Variants in HSD3B1 observed in about 807,000 individuals in gnomAD.
HSD3B1 encodes the protein hydroxy-delta-5-steroid dehydrogenase, 3 beta- and steroid delta-isomerase 1.
HSD3B1 carries 11 observed loss-of-function variants against 10.4 expected under a neutral mutation model. That is an observed-to-expected ratio of 1.05 (90% CI 0.66 to 1.75). HSD3B1 has a LOEUF of 1.75. HSD3B1 is among the 40% of genes most tolerant of loss of function. The pLI is 0.00. For missense variants in HSD3B1, 490 were observed against 454.5 expected, an observed-to-expected ratio of 1.08 and a Z score of -0.71; for synonymous variants, 217 against 185.4, an observed-to-expected ratio of 1.17 and a Z score of -1.39.
chr1:119,511,734 GGAAGA>G, intron 3 of HSD3B1, 67 bp downstream of exon 3: 1 of 1,495,000 alleles, frequency 6.7e-7, no homozygotes, highest in Non-Finnish European at 9.3e-7. Flanking sequence ...GGGCAGGAAG[GGAAGA>G]GAAGTCCCTC....
Position 119,514,059 on chromosome 1 carries a change from C to T in HSD3B1, c.536C>T (p.Thr179Ile), listed in dbSNP as rs775619459. Residue 179 changes from threonine (T) to isoleucine (I), a missense_variant, in exon 4 of 4, where the codon ACC becomes ATC. Physicochemically the swap from Thr to Ile is moderately conservative, Grantham distance 89. Coordinates refer to ENST00000369413, the MANE Select transcript of HSD3B1 (RefSeq NM_000862.3). ...GGGTGGAATCTGAAAAACGGCGGCA[C>T]CCTGTACACTTGTGCCTTACGACCC... ...ANGWNLKNGGTLYTCALRPMY... is the reference protein window; with the variant it reads ...ANGWNLKNGGILYTCALRPMY... The T allele has an allele frequency of 3.1e-6, 5 of 1,614,016 alleles. No homozygotes were observed. The highest frequency in any genetic ancestry group is 4.2e-6 in the Non-Finnish European group (5 of 1,180,024).
rs148222437 is a variant in HSD3B1, at chr1:119,514,237, G to A, written c.714G>A (p.Arg238=). 5.0e-6 allele frequency: 8 copies of A among 1,613,992 alleles called. No homozygotes were observed. Among genetic ancestry groups the A allele is most frequent in the Non-Finnish European group, 6.8e-6 (8 of 1,180,016 alleles). The part of the protein sequence containing the change: ...NVAWAHILAL[R]ALQDPKKAPS... ...CCTGGGCCCACATTCTGGCCTTGAGGGCCCTGCAGGACCCCAAGAAGGCCC... is the reference window on the plus strand; with the variant it reads ...CCTGGGCCCACATTCTGGCCTTGAGAGCCCTGCAGGACCCCAAGAAGGCCC... The change falls in exon 4 of 4, where the codon AGG becomes AGA. Residue 238 remains arginine (R), a synonymous_variant. Transcript: ENST00000369413.
In HSD3B1 at chr1:119,514,251, C is replaced by T. The variant is rs1654036439; in HGVS notation, c.728C>T (p.Pro243Leu). Residue 243 changes from proline to leucine, a missense_variant, in exon 4 of 4, where the codon CCC becomes CTC. By Grantham distance (98) the Pro-to-Leu change is moderately conservative. Coordinates refer to ENST00000369413, the MANE Select transcript of HSD3B1 (RefSeq NM_000862.3). ...CTGGCCTTGAGGGCCCTGCAGGACC[C>T]CAAGAAGGCCCCAAGCATCCGAGGA... ...HILALRALQD[P>L]KKAPSIRGQF... 6.2e-7 allele frequency: 1 copy of T among 1,614,096 alleles called. No homozygotes were observed.
At chr1:119,509,747 G>C (rs1309097193) in intron 2 of HSD3B1, among the ~76,000 whole-genome samples, 1 of 152,190 alleles carries the variant, frequency 6.6e-6, no homozygotes, top group African/African-American at 2.4e-5. Flanking sequence ...GGTCCTGCTT[G>C]TACCCCAGGA....
rs2101464661 is a variant in HSD3B1, at chr1:119,513,962, C to A, written c.439C>A (p.Leu147Met). The change falls in exon 4 of 4, where the codon CTG becomes ATG. Residue 147 changes from leucine to methionine, a missense_variant. Leu to Met is a conservative substitution (Grantham distance 15, BLOSUM62 2). Coordinates refer to ENST00000369413, the MANE Select transcript of HSD3B1 (RefSeq NM_000862.3). The part of the protein sequence containing the change: ...IIQNGHEEEP[L>M]ENTWPAPYPH... ...CCAGAATGGCCATGAAGAAGAGCCT[C>A]TGGAAAACACATGGCCCGCTCCATA... 6.2e-7 allele frequency: 1 copy of A among 1,614,100 alleles called. No homozygotes were observed. The highest frequency in any genetic ancestry group is 1.3e-5 in the African/African-American group (1 of 75,018).
intron 2 of HSD3B1, 109 bp downstream of exon 2, chr1:119,507,730 G>A (rs1653830207): frequency 2.7e-6 from 3 of 1,115,126 alleles, no homozygotes; most frequent in South Asian, 1.3e-5. Context: ...CCAAATCTAA[G>A]CCAATCTCAC....
At chr1:119,512,035 A>C (rs6674218) in intron 3 of HSD3B1, 18,041 of 259,520 alleles carry the variant, frequency 0.07, 2,617 homozygotes, top group African/African-American at 0.33. Flanking sequence ...TGATACCCAG[A>C]CACCCCTTGC....
rs587689312 is a variant in HSD3B1, at chr1:119,508,819, T to A, written c.145+1198T>A. On this transcript the variant is annotated intron_variant, in intron 2 of 3. Coordinates refer to ENST00000369413, the MANE Select transcript of HSD3B1 (RefSeq NM_000862.3). ...TCAGGGACCACACCCAACACTCTAC[T>A]TTTGCTCTTCTCTGACCTCTTGAAA... 1.8e-4 allele frequency among the ~76,000 whole-genome samples: 27 copies of A among 152,350 alleles called. No individual in the cohort carries two copies. In the South Asian group the frequency reaches 5.6e-3, roughly 32 times the overall value.
chr1:119,511,693 A>G (rs748574323), intron 3 of HSD3B1, 26 bp downstream of exon 3: 16 of 1,608,658 alleles, frequency 9.9e-6, no homozygotes, highest in Non-Finnish European at 1.3e-5. Flanking sequence ...GAGGAGATGC[A>G]GCAAGGTGGG....
rs1038733117 is a variant in HSD3B1 at position 119,513,977 on chromosome 1, C to T, written c.454C>T (p.Pro152Ser). ...AGAAGAGCCTCTGGAAAACACATGG[C>T]CCGCTCCATACCCACACAGCAAAAA... The part of the protein sequence containing the change: ...HEEEPLENTW[P>S]APYPHSKKLA... Residue 152 changes from proline to serine, a missense_variant, in exon 4 of 4, where the codon CCC (proline) becomes TCC (serine). By Grantham distance (74) the Pro-to-Ser change is moderately conservative (BLOSUM62 -1). Coordinates refer to ENST00000369413, the MANE Select transcript of HSD3B1 (RefSeq NM_000862.3). 2.3e-5 allele frequency: 37 copies of T among 1,614,088 alleles called. No individual in the cohort carries two copies. Among genetic ancestry groups the T allele is most frequent in the Non-Finnish European group, 3.0e-5 (35 of 1,179,976 alleles).
At chr1:119,511,464 A>G in intron 2 of HSD3B1, 39 bp from the exon 3 acceptor site, 1 of 1,608,846 alleles carries the variant, frequency 6.2e-7, no homozygotes, top group Non-Finnish European at 8.5e-7. Context: ...TCAGCCAGAT[A>G]CAGAAATCAT....
chr1:119,508,422 T>C (rs1653849327), intron 2 of HSD3B1, among the ~76,000 whole-genome samples: 1 of 150,412 alleles, frequency 6.6e-6, no homozygotes, highest in Non-Finnish European at 1.5e-5. Context: ...CAAAAAGAAA[T>C]TGACTGCAGA....
intron 3 of HSD3B1, among the ~76,000 whole-genome samples, chr1:119,512,871 G>T (rs587686602): frequency 9.9e-5 from 15 of 152,272 alleles, no homozygotes; most frequent in African/African-American, 3.1e-4. Flanking sequence ...TGTCTTTCCA[G>T]AAACTCAAAT....
intron 2 of HSD3B1, among the ~76,000 whole-genome samples, chr1:119,508,499 A>T (rs58933433): frequency 0.094 from 14,258 of 152,226 alleles, 1,992 homozygotes; most frequent in African/African-American, 0.3. Context: ...CACATCCAAC[A>T]GGACAATGAA....
intron 3 of HSD3B1, among the ~76,000 whole-genome samples, chr1:119,512,391 C>T (rs1055292030): frequency 6.6e-6 from 1 of 152,098 alleles, no homozygotes; most frequent in African/African-American, 2.4e-5. Context: ...CAAAGTATGG[C>T]TTTCCAACTA....
rs773205280 is a variant in HSD3B1 at position 119,507,593 on chromosome 1, C to T, written c.117C>T (p.Phe39=). ...AGATCAGGGTCTTGGACAAGGCCTT[C>T]GGACCAGAATTGAGAGAGGAATTTT... ...LKEIRVLDKA[F]GPELREEFSK... The change falls in exon 2 of 4, where the codon TTC becomes TTT. Residue 39 remains phenylalanine, a synonymous_variant. Coordinates refer to ENST00000369413, the MANE Select transcript of HSD3B1 (RefSeq NM_000862.3). 2.5e-5 allele frequency: 40 copies of T among 1,613,882 alleles called. No homozygotes were observed. The highest frequency in any genetic ancestry group is 3.1e-5 in the Non-Finnish European group (36 of 1,179,892).
intron 3 of HSD3B1, 61 bp from the exon 4 acceptor site, chr1:119,513,773 T>C: frequency 6.6e-7 from 1 of 1,513,054 alleles, no homozygotes; most frequent in Non-Finnish European, 9.1e-7. Context: ...TAGATCTGTG[T>C]TCGTGGTTGG....
At chr1:119,511,467 G>T (rs587668816) in intron 2 of HSD3B1, 36 bp from the exon 3 acceptor site, 2 of 1,610,962 alleles carry the variant, frequency 1.2e-6, no homozygotes, top group Admixed American at 3.3e-5. Context: ...GCCAGATACA[G>T]AAATCATTCC....
chr1:119,511,740 G>T, intron 3 of HSD3B1, 73 bp downstream of exon 3: 1 of 1,448,404 alleles, frequency 6.9e-7, no homozygotes, highest in East Asian at 2.3e-5. Flanking sequence ...GAAGGGAAGA[G>T]AAGTCCCTCC....
Sources: allele counts gnomAD v4.1 joint callset (sites outside exome capture counted in the v4.1 genomes callset), GRCh38; gene constraint gnomAD v4.1.1; transcripts MANE v1.5; gene names NCBI Gene and HGNC (gene_info 2026-07-23, HGNC 2026-07-21).